LRP1B: variants seen among roughly 807,000 people sequenced by gnomAD.
LRP1B encodes the protein low-density lipoprotein receptor-related protein 1B.
In LRP1B, 217 loss-of-function variants were observed where a neutral mutation model predicts 556.6. The ratio of observed to expected loss-of-function variants is 0.39; its 90% confidence interval spans 0.35 to 0.44. The LOEUF (loss-of-function observed/expected upper bound fraction) is 0.44. LRP1B is among the 20% of genes least tolerant of loss of function. LRP1B has a pLI of 1.00. For missense variants in LRP1B, 5,053 were observed against 5,620.8 expected, an observed-to-expected ratio of 0.90 and a Z score of 3.23; for synonymous variants, 2,047 against 1,865.8, an observed-to-expected ratio of 1.10 and a Z score of -2.50.
chr2:141,538,078 T>G (rs186519725), intron 2 of LRP1B, among the ~76,000 whole-genome samples: 2 of 152,300 alleles, frequency 1.3e-5, no homozygotes, highest in Admixed American at 1.3e-4. Flanking sequence ...TTGCAAAATG[T>G]AAATTTGTTT....
chr2:140,895,822 G>T (rs199824442), intron 23 of LRP1B, among the ~76,000 whole-genome samples: 1 of 152,104 alleles, frequency 6.6e-6, no homozygotes, highest in Non-Finnish European at 1.5e-5. Flanking sequence ...AGGTCCCACC[G>T]TCAAGCCATC....
chr2:141,206,367 G>T (rs1345259332), intron 6 of LRP1B, among the ~76,000 whole-genome samples: 1 of 152,028 alleles, frequency 6.6e-6, no homozygotes, highest in Non-Finnish European at 1.5e-5. Context: ...AGATCATGAG[G>T]TCAGCAGATC....
intron 1 of LRP1B, among the ~76,000 whole-genome samples, chr2:141,993,000 T>C (rs1227067618): frequency 6.6e-6 from 1 of 152,136 alleles, no homozygotes. Context: ...ATTTGCCTTT[T>C]TAATCAAAAT....
At chr2:141,817,332 T>C (rs992328575) in intron 1 of LRP1B, among the ~76,000 whole-genome samples, 3 of 152,216 alleles carry the variant, frequency 2.0e-5, no homozygotes, top group African/African-American at 7.2e-5. Flanking sequence ...GTATATCTTT[T>C]TATAATAATA....
At chr2:141,332,814 C>CAAAA (rs67444878) in intron 3 of LRP1B, among the ~76,000 whole-genome samples, 4,023 of 142,402 alleles carry the variant, frequency 0.028, 71 homozygotes, top group Non-Finnish European at 0.034. Flanking sequence ...TTTAAAAATG[C>CAAAA]AAAAAAAAAA....
At chr2:140,976,501 T>TC (rs1553440470) in intron 18 of LRP1B, among the ~76,000 whole-genome samples, 1 of 140,584 alleles carries the variant, frequency 7.1e-6, no homozygotes, top group Non-Finnish European at 1.5e-5. Flanking sequence ...TTTTTTTTTT[T>TC]CCTTTTTTTT....
intron 2 of LRP1B, among the ~76,000 whole-genome samples, chr2:141,504,558 G>A (rs1683850690): frequency 6.6e-6 from 1 of 152,098 alleles, no homozygotes; most frequent in South Asian, 2.1e-4. Flanking sequence ...CAGTAAATAA[G>A]CTAACTGTAA....
At chr2:140,363,234 C>T (rs1212253927) in intron 72 of LRP1B, among the ~76,000 whole-genome samples, 2 of 151,562 alleles carry the variant, frequency 1.3e-5, no homozygotes, top group Non-Finnish European at 3.0e-5. Flanking sequence ...ATTTCTGGCA[C>T]ATAATAGCTT....
chr2:141,015,598 G>T, intron 13 of LRP1B, 98 bp downstream of exon 13: 2 of 971,046 alleles, frequency 2.1e-6, no homozygotes, highest in Non-Finnish European at 3.1e-6. Context: ...CACCTCAGAG[G>T]AGTAAAAATA....
intron 84 of LRP1B, among the ~76,000 whole-genome samples, chr2:140,290,527 G>A (rs1230015748): frequency 1.3e-5 from 2 of 152,040 alleles, no homozygotes; most frequent in Non-Finnish European, 2.9e-5. Flanking sequence ...CAAATACTGA[G>A]GAAGGGGTTG....
chr2:140,455,082 T>C (rs746223146), intron 62 of LRP1B, among the ~76,000 whole-genome samples: 5 of 152,200 alleles, frequency 3.3e-5, no homozygotes, highest in Non-Finnish European at 7.3e-5. Flanking sequence ...CCAATAGTAT[T>C]AATAATTCTA....
chr2:140,585,442 T>A (rs1681946864), intron 43 of LRP1B, among the ~76,000 whole-genome samples: 1 of 152,152 alleles, frequency 6.6e-6, no homozygotes, highest in Non-Finnish European at 1.5e-5. Flanking sequence ...TCTATTTTAC[T>A]ACCAAGACTG....
At chr2:141,540,393 A>G (rs893904387) in intron 2 of LRP1B, among the ~76,000 whole-genome samples, 34 of 152,190 alleles carry the variant, frequency 2.2e-4, no homozygotes, top group Non-Finnish European at 3.4e-4. Context: ...AGATGCATTT[A>G]TAAGTGCATT....
intron 60 of LRP1B, among the ~76,000 whole-genome samples, chr2:140,464,013 T>C (rs1473542162): frequency 6.6e-6 from 1 of 151,988 alleles, no homozygotes; most frequent in Non-Finnish European, 1.5e-5. Flanking sequence ...CTGGCCAATA[T>C]GGTGAACCAA....
intron 86 of LRP1B, among the ~76,000 whole-genome samples, chr2:140,266,976 C>T (rs16843732): frequency 0.14 from 21,412 of 151,972 alleles, 1,962 homozygotes; most frequent in East Asian, 0.33. Context: ...AACCAGGGTA[C>T]GCACTTTAGA....
intron 20 of LRP1B, among the ~76,000 whole-genome samples, chr2:140,925,030 A>G (rs2105261965): frequency 6.6e-6 from 1 of 152,236 alleles, no homozygotes; most frequent in South Asian, 2.1e-4. Flanking sequence ...AGTCAACAAT[A>G]TAGTATAACT....
intron 77 of LRP1B, among the ~76,000 whole-genome samples, chr2:140,340,148 G>A (rs1211393085): frequency 1.3e-5 from 2 of 150,896 alleles, no homozygotes; most frequent in Non-Finnish European, 3.0e-5. Context: ...TCCATAAAAA[G>A]AAAGACTGGC....
chr2:141,704,536 C>T (rs1452737438), intron 2 of LRP1B, among the ~76,000 whole-genome samples: 1 of 151,890 alleles, frequency 6.6e-6, no homozygotes, highest in Admixed American at 6.6e-5. Flanking sequence ...AGTTCAATTG[C>T]TTCTTGCTCC....
Position 140,927,708 on chromosome 2 carries a change from C to CTTT in LRP1B, c.3137-4564_3137-4562dup, listed in dbSNP as rs11441032. The stretch of plus-strand genomic sequence containing the variant: ...AGGCAGATTAGTATTACGAGGAAGG[C>CTTT]TTTTTTTTTTTTTTTTTGAGATGGA... On this transcript the variant is annotated intron_variant, in intron 20 of 90. Transcript: ENST00000389484. 7.0e-3 allele frequency among the ~76,000 whole-genome samples: 816 copies of CTTT among 116,036 alleles called. 37 individuals are homozygous for CTTT. The highest frequency in any genetic ancestry group is 0.021 in the African/African-American group (623 of 30,374). The allele number at this position is 116,036 out of a possible 152,430, so 76.1% of individuals were successfully genotyped here. A position where few individuals can be genotyped will look rare whatever the true frequency, so the allele number is the denominator to read the frequency against.
Sources: allele counts gnomAD v4.1 joint callset (sites outside exome capture counted in the v4.1 genomes callset), GRCh38; gene constraint gnomAD v4.1.1; transcripts MANE v1.5; gene names NCBI Gene and HGNC (gene_info 2026-07-23, HGNC 2026-07-21).